Variants in ZMAT4 observed in about 807,000 individuals in gnomAD.
ZMAT4 encodes zinc finger matrin-type 4.
Under a neutral mutation model 28.7 loss-of-function variants are expected in ZMAT4, and 17 were observed. The observed-to-expected ratio is 0.59, with a 90% CI of 0.41 to 0.89. The LOEUF (loss-of-function observed/expected upper bound fraction) is 0.89, where lower values mean the gene tolerates loss of function less well. ZMAT4 is among the 40% of genes least tolerant of loss of function. The pLI is 0.00. For synonymous variants in ZMAT4, 117 were observed against 109.2 expected, an observed-to-expected ratio of 1.07 and a Z score of -0.44; for missense variants, 240 against 283.8, an observed-to-expected ratio of 0.85 and a Z score of 1.11.
At chr8:40,716,088 T>A (rs1563431690) in intron 3 of ZMAT4, among the ~76,000 whole-genome samples, 1 of 152,182 alleles carries the variant, frequency 6.6e-6, no homozygotes, top group East Asian at 1.9e-4. Context: ...AAGAAAAGGA[T>A]CAGACCTAAA....
chr8:40,589,981 C>CTTCCTTCCTTCCTTCT (rs1331229090), intron 5 of ZMAT4, among the ~76,000 whole-genome samples: 17 of 97,356 alleles, frequency 1.7e-4, no homozygotes, highest in Admixed American at 1.6e-3. Flanking sequence ...CCCTTCCTTC[C>CTTCCTTCCTTCCTTCT]TTCCTTCCTT....
At chr8:40,864,440 C>G (rs1437721513) in intron 1 of ZMAT4, among the ~76,000 whole-genome samples, 1 of 152,176 alleles carries the variant, frequency 6.6e-6, no homozygotes, top group Non-Finnish European at 1.5e-5. Context: ...CTGAGGATGA[C>G]AGGTGACCAG....
At chr8:40,874,721 G>C (rs549097964) in intron 1 of ZMAT4, among the ~76,000 whole-genome samples, 1 of 152,216 alleles carries the variant, frequency 6.6e-6, no homozygotes, top group Admixed American at 6.5e-5. Flanking sequence ...CACCTGGATG[G>C]TTTCTGGCTA....
Position 40,796,369 on chromosome 8 carries a change from A to G in ZMAT4, c.103-28639T>C, listed in dbSNP as rs78609365. ...CATGATTTACTCAGATCAGTACTGAAAAATGAAAACAAAAAAACATTGATA... is the reference window on the plus strand; with the variant it reads ...CATGATTTACTCAGATCAGTACTGAGAAATGAAAACAAAAAAACATTGATA... On this transcript the variant is annotated intron_variant, in intron 2 of 6. Transcript: ENST00000297737. 0.015 allele frequency among the ~76,000 whole-genome samples: 2,264 copies of G among 152,306 alleles called. 133 individuals carry two copies. In the East Asian group the frequency reaches 0.21, roughly 14 times the overall value.
At chr8:40,790,291 A>G (rs993338157) in intron 2 of ZMAT4, among the ~76,000 whole-genome samples, 1 of 152,238 alleles carries the variant, frequency 6.6e-6, no homozygotes, top group African/African-American at 2.4e-5. Context: ...TTCTAGATCT[A>G]ATTGGTAGGC....
chr8:40,822,292 A>G (rs1009230695), intron 2 of ZMAT4, among the ~76,000 whole-genome samples: 1 of 152,148 alleles, frequency 6.6e-6, no homozygotes, highest in African/African-American at 2.4e-5. Context: ...GCAATAACTA[A>G]CTCTAATATT....
chr8:40,754,783 G>A (rs552643569), intron 3 of ZMAT4, among the ~76,000 whole-genome samples: 12 of 152,248 alleles, frequency 7.9e-5, no homozygotes, highest in African/African-American at 1.7e-4. Flanking sequence ...AGGCCAAGAC[G>A]GGAAGAATCG....
At chr8:40,708,463 C>T (rs2150505252) in intron 3 of ZMAT4, among the ~76,000 whole-genome samples, 1 of 152,114 alleles carries the variant, frequency 6.6e-6, no homozygotes, top group African/African-American at 2.4e-5. Flanking sequence ...GGAGACAAAG[C>T]AAAGGTTCAG....
chr8:40,699,004 A>G (rs984998838), intron 3 of ZMAT4, among the ~76,000 whole-genome samples: 2 of 152,150 alleles, frequency 1.3e-5, no homozygotes, highest in Admixed American at 6.5e-5. Context: ...TTTTCTCCAT[A>G]GAGAAAAAAA....
At chr8:40,809,834 A>C (rs1182400848) in intron 2 of ZMAT4, among the ~76,000 whole-genome samples, 3 of 152,172 alleles carry the variant, frequency 2.0e-5, no homozygotes, top group African/African-American at 7.2e-5. Flanking sequence ...ATTTGAGGTC[A>C]GGAGTTCAAG....
intron 1 of ZMAT4, among the ~76,000 whole-genome samples, chr8:40,885,760 T>C (rs1374983041): frequency 1.3e-5 from 2 of 152,214 alleles, no homozygotes; most frequent in African/African-American, 4.8e-5. Context: ...TTCAGGGTCT[T>C]CTTGGGCTGG....
chr8:40,585,738 C>A (rs987582315), intron 5 of ZMAT4, among the ~76,000 whole-genome samples: 1 of 152,132 alleles, frequency 6.6e-6, no homozygotes, highest in Admixed American at 6.5e-5. Flanking sequence ...TTATCCAGGT[C>A]TGACCCATTC....
chr8:40,587,598 A>G (rs1488923790), intron 5 of ZMAT4, among the ~76,000 whole-genome samples: 1 of 152,174 alleles, frequency 6.6e-6, no homozygotes, highest in Non-Finnish European at 1.5e-5. Flanking sequence ...TAGAGCAACA[A>G]ATAAGCAAAT....
intron 5 of ZMAT4, among the ~76,000 whole-genome samples, chr8:40,639,771 TACACAC>T (rs10676366): frequency 1.8e-3 from 268 of 146,446 alleles, no homozygotes; most frequent in East Asian, 3.7e-3. Context: ...GTCCTTTTGT[TACACAC>T]ACACACACAC....
chr8:40,896,294 T>C (rs998847517), intron 1 of ZMAT4, among the ~76,000 whole-genome samples: 7 of 151,992 alleles, frequency 4.6e-5, no homozygotes, highest in Non-Finnish European at 8.8e-5. Flanking sequence ...CACTGGAGAA[T>C]CCCTCCCAGA....
rs1342367633 is a variant in ZMAT4, at chr8:40,581,210, A to G, written c.629T>C (p.Ile210Thr). 6.2e-7 allele frequency: 1 copy of G among 1,613,472 alleles called. No individual in the cohort carries two copies. Among genetic ancestry groups the G allele is most frequent in the Admixed American group, 1.7e-5 (1 of 60,002 alleles). The change falls in exon 6 of 7, where the codon ATA becomes ACA. Residue 210 changes from isoleucine (I) to threonine (T), a missense_variant. Ile to Thr is a moderately conservative substitution (Grantham distance 89). Coordinates refer to ENST00000297737, the MANE Select transcript of ZMAT4 (RefSeq NM_024645.3). Reference protein sequence around the residue: ...CTICSVSLNSIEQYHAHLKGS... With the variant: ...CTICSVSLNSTEQYHAHLKGS... ...TTTCAGATGGGCATGATACTGTTCT[A>G]TTGAGTTTAGGGAGACACTGCAGAT...
At chr8:40,557,990 T>C (rs1803601701) in intron 6 of ZMAT4, among the ~76,000 whole-genome samples, 2 of 152,066 alleles carry the variant, frequency 1.3e-5, no homozygotes, top group South Asian at 4.2e-4. Context: ...TGAGCTGAGC[T>C]TGGGTTGACA....
At chr8:40,652,548 G>A (rs12216826) in intron 5 of ZMAT4, among the ~76,000 whole-genome samples, 3,895 of 59,434 alleles carry the variant, frequency 0.066, 70 homozygotes, top group Middle Eastern at 0.11. Flanking sequence ...ATCTAGAACT[G>A]GAAATACCAT....
intron 1 of ZMAT4, among the ~76,000 whole-genome samples, chr8:40,852,474 T>C (rs1470075195): frequency 6.6e-6 from 1 of 152,230 alleles, no homozygotes; most frequent in African/African-American, 2.4e-5. Context: ...TGTTGTGATA[T>C]ACTGTCTTAG....
Sources: gnomAD v4.1 joint callset for allele counts (sites outside exome capture counted in the v4.1 genomes callset) on GRCh38, gnomAD v4.1.1 for gene constraint, MANE v1.5 for transcripts, NCBI Gene and HGNC (gene_info 2026-07-23, HGNC 2026-07-21) for gene names.